Variants in BTBD7 observed in about 807,000 individuals in gnomAD.
The protein encoded by BTBD7 is BTB domain containing 7.
A neutral mutation model predicts 99.9 loss-of-function variants in BTBD7; 38 were observed. The observed-to-expected ratio is 0.38, with a 90% CI of 0.29 to 0.50. The LOEUF is 0.50. Ranked by LOEUF, BTBD7 falls within the 20% of genes least tolerant of loss-of-function variation. The probability of loss-of-function intolerance (pLI) is 0.93; values close to 1 mark genes in which losing one functional copy is unlikely to be tolerated. For synonymous variants in BTBD7, 520 were observed against 511.4 expected (o/e 1.02, Z -0.23); for missense variants, 1,170 against 1,394.6 (o/e 0.84, Z 2.57).
intron 3 of BTBD7, among the ~76,000 whole-genome samples, chr14:93,269,265 T>C (rs576851070): frequency 6.6e-6 from 1 of 152,296 alleles, no homozygotes; most frequent in Non-Finnish European, 1.5e-5. Context: ...TGGTAAAGGA[T>C]TTCAATTAAT....
intron 3 of BTBD7, among the ~76,000 whole-genome samples, chr14:93,280,966 G>A (rs1259657948): frequency 6.6e-6 from 1 of 151,522 alleles, no homozygotes; most frequent in East Asian, 1.9e-4. Flanking sequence ...CTGAGTGGCT[G>A]GGACTATAGG....
chr14:93,269,383 G>A (rs2052577071), intron 3 of BTBD7, among the ~76,000 whole-genome samples: 1 of 152,182 alleles, frequency 6.6e-6, no homozygotes, highest in Non-Finnish European at 1.5e-5. Context: ...GTGCTGAGAG[G>A]CTTTACACGG....
At chr14:93,308,061 G>A (rs1401383949) in intron 1 of BTBD7, among the ~76,000 whole-genome samples, 7 of 152,028 alleles carry the variant, frequency 4.6e-5, no homozygotes, top group African/African-American at 1.7e-4. Flanking sequence ...TTGGGAGGCC[G>A]AGGTGGGCGG....
At chr14:93,305,426 T>C (rs8011938) in intron 1 of BTBD7, among the ~76,000 whole-genome samples, 2,557 of 152,332 alleles carry the variant, frequency 0.017, 79 homozygotes, top group African/African-American at 0.059. Flanking sequence ...TTTGAGAACG[T>C]TTAGCTATAA....
chr14:93,277,138 G>C (rs1465375830), intron 3 of BTBD7, among the ~76,000 whole-genome samples: 1 of 152,104 alleles, frequency 6.6e-6, no homozygotes, highest in Non-Finnish European at 1.5e-5. Flanking sequence ...CCGACCTCAG[G>C]TGATCCGCCC....
At chr14:93,251,336 A>G (rs2052365129) in intron 8 of BTBD7, 127 bp downstream of exon 8, 1 of 1,030,722 alleles carries the variant, frequency 9.7e-7, no homozygotes, top group Non-Finnish European at 1.3e-6. Flanking sequence ...TTCTTTAAGG[A>G]GAACAAGGCA....
chr14:93,283,638 G>A (rs1467020236), intron 3 of BTBD7, among the ~76,000 whole-genome samples: 8 of 152,068 alleles, frequency 5.3e-5, no homozygotes, highest in African/African-American at 1.7e-4. Flanking sequence ...TGTAATCTCC[G>A]CCTCCCTGGT....
chr14:93,261,216 C>T (rs1042888084), intron 5 of BTBD7, among the ~76,000 whole-genome samples: 1 of 152,174 alleles, frequency 6.6e-6, no homozygotes, highest in African/African-American at 2.4e-5. Flanking sequence ...CATTCAGTGG[C>T]TCTTACTATA....
At chr14:93,325,595 T>C (rs1425014889) in intron 1 of BTBD7, among the ~76,000 whole-genome samples, 1 of 152,122 alleles carries the variant, frequency 6.6e-6, no homozygotes, top group African/African-American at 2.4e-5. Context: ...AAAAAATACA[T>C]ACAAGGTAGA....
chr14:93,285,064 GGCCCC>G lies in BTBD7; in HGVS notation c.1162+8789_1162+8793del, dbSNP rs2052761727. Among the ~76,000 whole-genome samples the G allele has an allele frequency of 2.0e-5, 3 of 152,186 alleles. No homozygotes were observed. In the East Asian group the frequency reaches 5.8e-4, roughly 29 times the overall value. On this transcript the variant is annotated intron_variant, in intron 3 of 10. Coordinates refer to ENST00000334746, the MANE Select transcript of BTBD7 (RefSeq NM_001002860.4). ...ATCTGTTGATAATGGTCTTTAGCTT[GGCCCC>G]ATTCTTCTCTAGGAAGTACATTCAA...
chr14:93,262,351 T>C (rs1410204245), intron 4 of BTBD7, among the ~76,000 whole-genome samples: 4 of 152,104 alleles, frequency 2.6e-5, no homozygotes, highest in African/African-American at 9.7e-5. Flanking sequence ...GTCAGGATGG[T>C]CTCGATCTCC....
chr14:93,312,970 C>A (rs1481824963), intron 1 of BTBD7, among the ~76,000 whole-genome samples: 3 of 152,170 alleles, frequency 2.0e-5, no homozygotes, highest in Non-Finnish European at 4.4e-5. Context: ...GTATACCAAA[C>A]ATTTACTGTA....
At position 93,266,522 on chromosome 14, in the gene BTBD7, C is replaced by T. The variant is rs1197380777; in HGVS notation, c.1163-2529G>A. 4.8e-5 allele frequency among the ~76,000 whole-genome samples: 7 copies of T among 146,638 alleles called. No homozygotes were observed. The East Asian group carries it at 1.3e-3, about 28-fold the overall frequency. On this transcript the variant is annotated intron_variant, in intron 3 of 10. Coordinates refer to ENST00000334746, the MANE Select transcript of BTBD7 (RefSeq NM_001002860.4). Reference sequence around the variant, plus strand: ...GAAATAACTGATTTATCCGTTGTTCCTAGGAAACAGACAGATGTTAAAAGT... The same window carrying T: ...GAAATAACTGATTTATCCGTTGTTCTTAGGAAACAGACAGATGTTAAAAGT...
chr14:93,275,769 T>C (rs1220123162), intron 3 of BTBD7, among the ~76,000 whole-genome samples: 1 of 152,224 alleles, frequency 6.6e-6, no homozygotes, highest in African/African-American at 2.4e-5. Flanking sequence ...CTGAAACACA[T>C]CTAAACATTA....
intron 3 of BTBD7, among the ~76,000 whole-genome samples, chr14:93,265,659 C>T (rs776253479): frequency 6.6e-5 from 10 of 152,224 alleles, no homozygotes; most frequent in Non-Finnish European, 1.2e-4. Context: ...CGGCGGCGCA[C>T]GCCTGTAATC....
chr14:93,258,222 T>TGA (rs972073308), intron 5 of BTBD7, among the ~76,000 whole-genome samples: 50 of 149,208 alleles, frequency 3.4e-4, no homozygotes, highest in East Asian at 2.7e-3. Context: ...TGTGTGTGTA[T>TGA]GAGAGAGAGA....
rs2052901415 is a variant in BTBD7, at chr14:93,294,617, G to T, written c.403C>A (p.Leu135Ile). ...TCAGTACAATACTTGTACTCATAAA[G>T]ATCAGCCATATCTTTCTGCAATGTC... The part of the protein sequence containing the change: ...ARTLQKDMAD[L>I]YEYKYCTDVD... Residue 135 changes from leucine (L) to isoleucine (I), a missense_variant, in exon 3 of 11, where the codon CTT becomes ATT. This residue lies in a region of BTBD7 where 359 missense variants were observed against 497.9 expected (regional missense o/e 0.72). Transcript: ENST00000334746. 6.2e-7 allele frequency: 1 copy of T among 1,613,906 alleles called. No individual in the cohort carries two copies. Among genetic ancestry groups the T allele is most frequent in the African/African-American group, 1.3e-5 (1 of 74,918 alleles).
chr14:93,253,388 T>C (rs2052390110), intron 7 of BTBD7, among the ~76,000 whole-genome samples: 1 of 152,208 alleles, frequency 6.6e-6, no homozygotes, highest in Admixed American at 6.5e-5. Context: ...TGCAAGGCAG[T>C]TAACAATTTG....
In BTBD7 at chr14:93,239,464, C is replaced by G. The variant is rs1159614899; in HGVS notation, c.*2809G>C. ...ATATATATATGCTTTTTTTTTTTTTCTGAGAGCAACCTTACTCAGACTTCA... is the reference window on the plus strand; with the variant it reads ...ATATATATATGCTTTTTTTTTTTTTGTGAGAGCAACCTTACTCAGACTTCA... On this transcript the variant is annotated 3_prime_UTR_variant, in exon 11 of 11. Coordinates refer to ENST00000334746, the MANE Select transcript of BTBD7 (RefSeq NM_001002860.4). 7.5e-6 allele frequency: 1 copy of G among 134,086 alleles called. No individual in the cohort carries two copies. Among genetic ancestry groups the G allele is most frequent in the African/African-American group, 2.9e-5 (1 of 34,816 alleles). 8.3% of individuals were successfully genotyped at this position (134,086 alleles called of 1,614,324 possible). A position where few individuals can be genotyped will look rare whatever the true frequency, so the allele number is the denominator to read the frequency against.
Sources: gnomAD v4.1 joint callset for allele counts (sites outside exome capture counted in the v4.1 genomes callset) on GRCh38, gnomAD v4.1.1 for gene constraint, gnomAD v4.1.1 regional missense constraint, MANE v1.5 for transcripts, NCBI Gene and HGNC (gene_info 2026-07-23, HGNC 2026-07-21) for gene names.